The following PRMT9 variants were observed in gnomAD, a reference collection of about 807,000 sequenced individuals.
The protein encoded by PRMT9 is protein arginine N-methyltransferase 9.
In PRMT9, 59 loss-of-function variants were observed where a neutral mutation model predicts 83.2. The ratio of observed to expected loss-of-function variants is 0.71; its 90% CI spans 0.57 to 0.88. The LOEUF is 0.88. Among genes scored for constraint, PRMT9 ranks in the 40% least tolerant of loss-of-function variants. The pLI is 0.00. For synonymous variants in PRMT9, 333 were observed against 353.2 expected (o/e 0.94, Z 0.64); for missense variants, 947 against 1,021.9 (o/e 0.93, Z 1.00).
chr4:147,669,412 G>A (rs1735586845), intron 5 of PRMT9, among the ~76,000 whole-genome samples: 1 of 151,912 alleles, frequency 6.6e-6, no homozygotes, highest in Non-Finnish European at 1.5e-5. Flanking sequence ...TGCTATATAT[G>A]TATGAATATA....
intron 11 of PRMT9, 41 bp from the exon 12 acceptor site, chr4:147,638,788 G>A (rs373065313): frequency 2.1e-4 from 305 of 1,467,080 alleles, no homozygotes; most frequent in Admixed American, 3.5e-4. Flanking sequence ...AGAGTGCATA[G>A]AGTAGACTTA....
At chr4:147,647,949 T>A (rs1479331254) in intron 9 of PRMT9, among the ~76,000 whole-genome samples, 1 of 150,896 alleles carries the variant, frequency 6.6e-6, no homozygotes, top group African/African-American at 2.4e-5. Context: ...TTTGCCAGAA[T>A]GGCTCACAGA....
chr4:147,683,732 T>C (rs1254325537), intron 1 of PRMT9, 67 bp downstream of exon 1: 5 of 1,092,482 alleles, frequency 4.6e-6, no homozygotes, highest in African/African-American at 1.8e-5. Flanking sequence ...TTTTTTTTTT[T>C]CTGTTTTTTT....
intron 9 of PRMT9, among the ~76,000 whole-genome samples, chr4:147,648,618 C>G (rs1733892672): frequency 6.6e-6 from 1 of 152,208 alleles, no homozygotes; most frequent in African/African-American, 2.4e-5. Context: ...GTCTCAGGAA[C>G]TTCCGATTTA....
In PRMT9 at chr4:147,680,486, A is replaced by C; in HGVS notation, c.190-15T>G. ...TGAAAAGTTTCCTTTACAAATAAGA[A>C]AAAAATTATGAATTAGTCAATAACA... is the stretch of plus-strand genomic sequence containing the variant. On this transcript the variant is annotated splice_polypyrimidine_tract_variant and intron_variant, in intron 1 of 11. Transcript: ENST00000322396. The C allele has an allele frequency of 6.3e-7, 1 of 1,587,824 alleles. No individual in the cohort carries two copies. The highest frequency in any genetic ancestry group is 1.7e-4 in the Middle Eastern group (1 of 6,020).
chr4:147,679,200 G>T (rs1434972863), intron 2 of PRMT9, among the ~76,000 whole-genome samples: 2 of 152,230 alleles, frequency 1.3e-5, no homozygotes, highest in Non-Finnish European at 1.5e-5. Flanking sequence ...GGGAGGCCAA[G>T]GCCAGAGGAT....
At chr4:147,683,741 T>C (rs1233697815) in intron 1 of PRMT9, 58 bp downstream of exon 1, 5 of 1,458,804 alleles carry the variant, frequency 3.4e-6, no homozygotes, top group Non-Finnish European at 4.7e-6. Flanking sequence ...TTCTGTTTTT[T>C]TTTTTTTTTT....
intron 10 of PRMT9, among the ~76,000 whole-genome samples, chr4:147,640,726 T>C (rs1733339346): frequency 6.6e-6 from 1 of 152,020 alleles, no homozygotes; most frequent in Admixed American, 6.5e-5. Flanking sequence ...ATTCTACCTT[T>C]ATTTATTTTT....
intron 9 of PRMT9, among the ~76,000 whole-genome samples, chr4:147,650,279 A>T (rs139261751): frequency 2.6e-5 from 4 of 152,374 alleles, no homozygotes; most frequent in East Asian, 3.9e-4. Context: ...AACTCTAAAG[A>T]AAAACAACAA....
intron 8 of PRMT9, among the ~76,000 whole-genome samples, chr4:147,655,325 G>C (rs573054345): frequency 4.9e-4 from 74 of 151,824 alleles, no homozygotes; most frequent in Non-Finnish European, 9.1e-4. Context: ...ACCAGGCCCA[G>C]CTATTTTTTT....
intron 2 of PRMT9, among the ~76,000 whole-genome samples, chr4:147,676,094 G>A (rs1031159616): frequency 2.0e-5 from 3 of 152,130 alleles, no homozygotes; most frequent in Non-Finnish European, 2.9e-5. Context: ...AACTGCTACC[G>A]TCCAAATTAG....
chr4:147,673,582 T>A (rs1735870571), intron 3 of PRMT9, 56 bp downstream of exon 3: 1 of 1,123,458 alleles, frequency 8.9e-7, no homozygotes, highest in Non-Finnish European at 1.4e-6. Flanking sequence ...TCTGGCAAAA[T>A]CTTTAATTTA....
At chr4:147,654,805 T>C (rs1456038341) in intron 8 of PRMT9, among the ~76,000 whole-genome samples, 1 of 152,172 alleles carries the variant, frequency 6.6e-6, no homozygotes, top group Non-Finnish European at 1.5e-5. Context: ...GCTCCATTAT[T>C]GACTCTGAGA....
chr4:147,642,788 T>A lies in PRMT9; in HGVS notation c.2198A>T (p.Gln733Leu). Residue 733 changes from glutamine (Q) to leucine (L), a missense_variant and splice_region_variant, in exon 10 of 12, where the codon CAG becomes CTG. Physicochemically the swap from Gln to Leu is moderately radical, Grantham distance 113. Coordinates refer to ENST00000322396, the MANE Select transcript of PRMT9 (RefSeq NM_138364.4). ...TGAACTTCTCCTCTAGACACTTACCTGAAACTGGTTAATAAAAGGTGCTAT... is the reference window on the plus strand; with the variant it reads ...TGAACTTCTCCTCTAGACACTTACCAGAAACTGGTTAATAAAAGGTGCTAT... ...LNIAPFINQFQVPIRVFLDLS... is the reference protein window; with the variant it reads ...LNIAPFINQFLVPIRVFLDLS... 6.2e-7 allele frequency: 1 copy of A among 1,613,032 alleles called. No individual in the cohort carries two copies. The highest frequency in any genetic ancestry group is 8.5e-7 in the Non-Finnish European group (1 of 1,179,082).
chr4:147,640,941 G>A (rs1280812815), intron 10 of PRMT9, among the ~76,000 whole-genome samples: 1 of 152,022 alleles, frequency 6.6e-6, no homozygotes, highest in Admixed American at 6.5e-5. Flanking sequence ...TTGAACTCCT[G>A]GGCCCAAGCA....
At chr4:147,653,045 T>C (rs1220981548) in intron 9 of PRMT9, among the ~76,000 whole-genome samples, 1 of 152,228 alleles carries the variant, frequency 6.6e-6, no homozygotes, top group African/African-American at 2.4e-5. Context: ...TATGGATTCA[T>C]GCGTGTGTAC....
At position 147,642,854 on chromosome 4, in the gene PRMT9, TC is replaced by T; in HGVS notation, c.2131del (p.Glu711ArgfsTer13). Reference protein sequence around the residue: ...LLVESQTLLEENAVQGTERTL... With the variant: ...LLVESQTLLEXNAVQGTERTL... ...ACGTTCTGTTCCTTGAACAGCATTCTCCTCTAGGAGTGTCTGTGATTCCACA... is the reference window on the plus strand; with the variant it reads ...ACGTTCTGTTCCTTGAACAGCATTCTCTCTAGGAGTGTCTGTGATTCCACA... On this transcript the variant is annotated frameshift_variant, in exon 10 of 12. Transcript: ENST00000322396. LOFTEE classifies it high-confidence loss of function. 6.2e-7 allele frequency: 1 copy of T among 1,613,752 alleles called. No homozygotes were observed. Among genetic ancestry groups the T allele is most frequent in the Non-Finnish European group, 8.5e-7 (1 of 1,179,644 alleles).
chr4:147,681,988 A>T (rs1031321017), intron 1 of PRMT9, among the ~76,000 whole-genome samples: 2 of 152,102 alleles, frequency 1.3e-5, no homozygotes, highest in African/African-American at 4.8e-5. Flanking sequence ...GCATTGCACT[A>T]CAAATTTTAA....
At position 147,642,861 on chromosome 4, in the gene PRMT9, G is replaced by C. The variant is rs571257878; in HGVS notation, c.2125C>G (p.Leu709Val). ...GTTCCTTGAACAGCATTCTCCTCTA[G>C]GAGTGTCTGTGATTCCACAAGCAAC... The part of the protein sequence containing the change: ...FGLLVESQTL[L>V]EENAVQGTER... Residue 709 changes from leucine (L) to valine (V), a missense_variant, in exon 10 of 12, where the codon CTA (leucine) becomes GTA (valine). By Grantham distance (32) the Leu-to-Val change is conservative (BLOSUM62 1). Coordinates refer to ENST00000322396, the MANE Select transcript of PRMT9 (RefSeq NM_138364.4). 5 of 1,613,722 alleles carry C rather than the reference G, an allele frequency of 3.1e-6. No individual in the cohort carries two copies. In the Admixed American group the frequency reaches 5.0e-5, roughly 16 times the overall value.
Sources: gnomAD v4.1 joint callset for allele counts (sites outside exome capture counted in the v4.1 genomes callset) on GRCh38, gnomAD v4.1.1 for gene constraint, MANE v1.5 for transcripts, NCBI Gene and HGNC (gene_info 2026-07-23, HGNC 2026-07-21) for gene names.